RAB18: variants seen among roughly 807,000 people sequenced by gnomAD.
RAB18 encodes ras-related protein Rab-18.
Under a neutral mutation model 28.5 loss-of-function variants are expected in RAB18, and 10 were observed. The observed-to-expected ratio is 0.35, with a 90% CI of 0.22 to 0.60. RAB18 has a LOEUF of 0.60. RAB18 is among the 20% of genes least tolerant of loss of function. The pLI, the probability that RAB18 is intolerant of heterozygous loss-of-function variation, is 0.78. For synonymous variants in RAB18, 93 were observed against 86.9 expected, an observed-to-expected ratio of 1.07 and a Z score of -0.39; for missense variants, 188 against 244.2, an observed-to-expected ratio of 0.77 and a Z score of 1.53.
intron 2 of RAB18, among the ~76,000 whole-genome samples, chr10:27,526,540 C>T (rs542597486): frequency 6.6e-6 from 1 of 152,286 alleles, no homozygotes; most frequent in East Asian, 1.9e-4. Context: ...ACTTTTAACA[C>T]GCATAGTGAG....
intron 4 of RAB18, among the ~76,000 whole-genome samples, chr10:27,533,523 A>G (rs575709883): frequency 6.6e-6 from 1 of 151,792 alleles, no homozygotes; most frequent in Non-Finnish European, 1.5e-5. Flanking sequence ...CTGTGACAGT[A>G]TATGTTAATA....
At chr10:27,520,746 G>A (rs964674550) in intron 2 of RAB18, among the ~76,000 whole-genome samples, 6 of 151,266 alleles carry the variant, frequency 4.0e-5, no homozygotes, top group Non-Finnish European at 7.4e-5. Context: ...GTGAAACCCC[G>A]TCTCTACTAA....
chr10:27,538,098 C>T lies in RAB18; in HGVS notation c.*47C>T, dbSNP rs763031418. 3 of 1,609,850 alleles carry T rather than the reference C, an allele frequency of 1.9e-6. No individual in the cohort carries two copies. In the South Asian group the frequency reaches 3.3e-5, roughly 18 times the overall value. ...TGCATATTTGATCAGATAGTGACAT[C>T]TTTCTGTATATAAACTCTTTAACTG... On this transcript the variant is annotated 3_prime_UTR_variant, in exon 7 of 7. Transcript: ENST00000356940.
chr10:27,534,779 C>T (rs781665266), intron 6 of RAB18, among the ~76,000 whole-genome samples: 1 of 152,164 alleles, frequency 6.6e-6, no homozygotes, highest in African/African-American at 2.4e-5. Flanking sequence ...CATTCCATGG[C>T]GTTAGAAGCT....
chr10:27,509,284 T>C (rs982543705), intron 1 of RAB18, among the ~76,000 whole-genome samples: 4 of 152,200 alleles, frequency 2.6e-5, no homozygotes, highest in Non-Finnish European at 4.4e-5. Context: ...AGTTGCCTAC[T>C]TGGTTTTACA....
intron 6 of RAB18, among the ~76,000 whole-genome samples, chr10:27,537,412 T>G (rs1834922497): frequency 6.6e-6 from 1 of 152,158 alleles, no homozygotes; most frequent in Non-Finnish European, 1.5e-5. Flanking sequence ...GTGGGACCAG[T>G]TTTCATGGTG....
At chr10:27,515,490 T>G (rs1834419940) in intron 2 of RAB18, among the ~76,000 whole-genome samples, 1 of 152,210 alleles carries the variant, frequency 6.6e-6, no homozygotes, top group Non-Finnish European at 1.5e-5. Context: ...AAAATGTCTT[T>G]TGAGGGTTGG....
intron 2 of RAB18, among the ~76,000 whole-genome samples, chr10:27,513,315 G>A (rs1434268306): frequency 6.6e-6 from 1 of 152,046 alleles, no homozygotes; most frequent in African/African-American, 2.4e-5. Flanking sequence ...GATTACAGGT[G>A]TGAGCCACCA....
chr10:27,518,957 CT>C (rs994366839), intron 2 of RAB18, among the ~76,000 whole-genome samples: 1 of 149,476 alleles, frequency 6.7e-6, no homozygotes, highest in South Asian at 2.1e-4. Flanking sequence ...GTATGAAGTT[CT>C]TTTTTTTCCT....
chr10:27,521,122 T>C (rs1392027831), intron 2 of RAB18, among the ~76,000 whole-genome samples: 2 of 152,218 alleles, frequency 1.3e-5, no homozygotes, highest in South Asian at 2.1e-4. Flanking sequence ...TGTTATTAAT[T>C]TCTAGGTTTA....
intron 2 of RAB18, among the ~76,000 whole-genome samples, chr10:27,511,168 T>G (rs1294966170): frequency 6.6e-6 from 1 of 152,144 alleles, no homozygotes; most frequent in Non-Finnish European, 1.5e-5. Context: ...CTGATTTTAG[T>G]TATTTCTCTT....
At chr10:27,521,652 A>G (rs1834555715) in intron 2 of RAB18, among the ~76,000 whole-genome samples, 1 of 152,192 alleles carries the variant, frequency 6.6e-6, no homozygotes, top group African/African-American at 2.4e-5. Context: ...AGCTATGAAG[A>G]CACAAAGGCA....
chr10:27,505,412 T>C (rs1837797942), intron 1 of RAB18, among the ~76,000 whole-genome samples: 1 of 152,222 alleles, frequency 6.6e-6, no homozygotes, highest in Admixed American at 6.5e-5. Context: ...ATTTTTTGTA[T>C]TTCATAAATT....
chr10:27,508,030 A>G (rs1031394790), intron 1 of RAB18, among the ~76,000 whole-genome samples: 15 of 151,426 alleles, frequency 9.9e-5, no homozygotes, highest in Admixed American at 8.6e-4. Flanking sequence ...AAAAAAAAAA[A>G]AAAAAAGTGT....
At position 27,540,471 on chromosome 10, in the gene RAB18, C is replaced by A. The variant is rs770379811; in HGVS notation, c.*2420C>A. On this transcript the variant is annotated 3_prime_UTR_variant, in exon 7 of 7. Coordinates refer to ENST00000356940, the MANE Select transcript of RAB18 (RefSeq NM_021252.5). Reference sequence around the variant, plus strand: ...CCAAGTTAAGGCAGTTCCACTATTTCTTTATCACTCTTTTGTTATATGTAA... The same window carrying A: ...CCAAGTTAAGGCAGTTCCACTATTTATTTATCACTCTTTTGTTATATGTAA... 25 of 454,018 alleles carry A rather than the reference C, an allele frequency of 5.5e-5. No homozygotes were observed. The highest frequency in any genetic ancestry group is 1.1e-4 in the Non-Finnish European group (24 of 226,756). 28.1% of individuals were successfully genotyped at this position (454,018 alleles called of 1,614,324 possible). A position where few individuals can be genotyped will look rare whatever the true frequency, so the allele number is the denominator to read the frequency against.
chr10:27,534,288 A>C (rs1834849619), intron 6 of RAB18, among the ~76,000 whole-genome samples: 1 of 152,234 alleles, frequency 6.6e-6, no homozygotes. Flanking sequence ...GCTGGTCCAT[A>C]TGCTGATACC....
intron 6 of RAB18, 108 bp from the exon 7 acceptor site, chr10:27,537,755 TGCTGATTTGGATC>T: frequency 1.2e-6 from 1 of 806,652 alleles, no homozygotes; most frequent in Non-Finnish European, 2.0e-6. Flanking sequence ...GGGGAAAAAT[TGCTGATTTGGATC>T]TTAATATATT....
chr10:27,509,728 C>T, intron 1 of RAB18, 147 bp from the exon 2 acceptor site: 1 of 712,180 alleles, frequency 1.4e-6, no homozygotes, highest in East Asian at 2.7e-5. Context: ...CTGTGTATAC[C>T]TGCTCTGAGG....
intron 2 of RAB18, among the ~76,000 whole-genome samples, chr10:27,518,799 G>A (rs373523748): frequency 4.6e-5 from 7 of 151,870 alleles, no homozygotes; most frequent in East Asian, 1.9e-4. Context: ...TAATTTTTCC[G>A]TTTATGGATG....
Sources: gnomAD v4.1 joint callset for allele counts (sites outside exome capture counted in the v4.1 genomes callset) on GRCh38, gnomAD v4.1.1 for gene constraint, MANE v1.5 for transcripts, NCBI Gene and HGNC (gene_info 2026-07-23, HGNC 2026-07-21) for gene names.